Variants in ICAM5 observed in about 807,000 individuals in gnomAD.
ICAM5 encodes the protein intercellular adhesion molecule 5.
In ICAM5, 38 loss-of-function variants were observed where a neutral mutation model predicts 78.8. That is an observed-to-expected ratio of 0.48 (90% CI 0.37 to 0.63). The LOEUF (loss-of-function observed/expected upper bound fraction) is 0.63. ICAM5 is among the 30% of genes least tolerant of loss of function. ICAM5 has a pLI of 0.00. For missense variants in ICAM5, 1,059 were observed against 1,303.0 expected (o/e 0.81, Z 2.88); for synonymous variants, 544 against 590.9 (o/e 0.92, Z 1.15).
At position 10,291,485 on chromosome 19, in the gene ICAM5, G is replaced by A; in HGVS notation, c.353-4G>A. 1 of 1,612,210 alleles carries A rather than the reference G, an allele frequency of 6.2e-7. No homozygotes were observed. Among genetic ancestry groups the A allele is most frequent in the Non-Finnish European group, 8.5e-7 (1 of 1,179,784 alleles). On this transcript the variant is annotated splice_polypyrimidine_tract_variant and splice_region_variant and intron_variant, in intron 2 of 10. Coordinates refer to ENST00000221980, the MANE Select transcript of ICAM5 (RefSeq NM_003259.4). ...AAAGAGCTGCGGACTCTTCCCCCTT[G>A]CAGAGCGACCAGATCGCGTAGAGCT...
At position 10,292,672 on chromosome 19, in the gene ICAM5, C is replaced by G. The variant is rs1361795850; in HGVS notation, c.1022C>G (p.Thr341Arg). ...EPSVSEGQMV[T>R]VTCAAGAQAL... is the part of the protein sequence containing the mutation. ...AGCGTCTCCGAGGGGCAGATGGTGA[C>G]AGTAACCTGCGCAGCTGGGGCCCAA... is the stretch of plus-strand genomic sequence containing the variant. Residue 341 changes from threonine to arginine, a missense_variant, in exon 5 of 11, where the codon ACA becomes AGA. Transcript: ENST00000221980. 3 of 1,608,776 alleles carry G rather than the reference C, an allele frequency of 1.9e-6. No individual in the cohort carries two copies. The highest frequency in any genetic ancestry group is 2.5e-6 in the Non-Finnish European group (3 of 1,177,928).
Position 10,295,469 on chromosome 19 carries a change from CG to C in ICAM5, c.2359del (p.Ala787ProfsTer13). On this transcript the variant is annotated frameshift_variant, in exon 10 of 11. Coordinates refer to ENST00000221980, the MANE Select transcript of ICAM5 (RefSeq NM_003259.4). LOFTEE classifies it high-confidence loss of function. ...GCCCAGATCAGCTGGCGCGCGCCCCCGGGGGCCCTCAACATCGGCCTGTCGA... is the reference window on the plus strand; with the variant it reads ...GCCCAGATCAGCTGGCGCGCGCCCCCGGGGCCCTCAACATCGGCCTGTCGA... ...PPAQISWRAP[P>X]GALNIGLSSN... 1.3e-6 allele frequency: 2 copies of C among 1,588,420 alleles called. No homozygotes were observed. Among genetic ancestry groups the C allele is most frequent in the South Asian group, 1.1e-5 (1 of 88,054 alleles).
Position 10,290,889 on chromosome 19 carries a change from T to TTTAG in ICAM5, c.83-182_83-179dup. The stretch of plus-strand genomic sequence containing the variant: ...CCACGTCCCAGAGACACCCTCGAGG[T>TTTAG]TTAGACTCTGGGAGTGCGCCTTTAA... On this transcript the variant is annotated intron_variant, in intron 1 of 10. Transcript: ENST00000221980. The surrounding 1 kb of genome is among the most constrained non-coding windows in gnomAD (Gnocchi z 5.7). 1 of 719,630 alleles carries TTTAG rather than the reference T, an allele frequency of 1.4e-6. No homozygotes were observed. The highest frequency in any genetic ancestry group is 1.9e-5 in the South Asian group (1 of 52,440). The allele number at this position is 719,630 out of a possible 1,614,324, so 44.6% of individuals were successfully genotyped here.
At position 10,296,430 on chromosome 19, in the gene ICAM5, C is replaced by T; in HGVS notation, c.2589C>T (p.Thr863=). 1.5e-6 allele frequency: 2 copies of T among 1,324,676 alleles called. No homozygotes were observed. Among genetic ancestry groups the T allele is most frequent in the South Asian group, 2.0e-5 (1 of 49,236 alleles). 82.1% of individuals were successfully genotyped at this position (1,324,676 alleles called of 1,614,324 possible). A position where few individuals can be genotyped will look rare whatever the true frequency, so the allele number is the denominator to read the frequency against. Residue 863 remains threonine, a synonymous_variant, in exon 11 of 11, where the codon ACC becomes ACT. Coordinates refer to ENST00000221980, the MANE Select transcript of ICAM5 (RefSeq NM_003259.4). ...GCCTGGCCTTCTACGTGCAGTCCAC[C>T]GCCTGCAAGAAGGGCGAGTACAACG... ...GAGLAFYVQS[T]ACKKGEYNVQ... is the part of the protein sequence containing the mutation.
In ICAM5 at chr19:10,291,251, G is replaced by C. The variant is rs2040169292; in HGVS notation, c.262G>C (p.Val88Leu). The C allele has an allele frequency of 6.2e-7, 1 of 1,612,446 alleles. No individual in the cohort carries two copies. Among genetic ancestry groups the C allele is most frequent in the East Asian group, 2.2e-5 (1 of 44,874 alleles). Reference protein sequence around the residue: ...RGLRWLARQLVDIREPETQPV... With the variant: ...RGLRWLARQLLDIREPETQPV... ...TTTGCGTTGGTTGGCGCGGCAGCTG[G>C]TGGACATTCGCGAGCCGGAGACTCA... is the stretch of plus-strand genomic sequence containing the variant. Residue 88 changes from valine (V) to leucine (L), a missense_variant, in exon 2 of 11, where the codon GTG (valine) becomes CTG (leucine). Val to Leu is a conservative substitution (Grantham distance 32). Coordinates refer to ENST00000221980, the MANE Select transcript of ICAM5 (RefSeq NM_003259.4).
chr19:10,295,427 C>T lies in ICAM5; in HGVS notation c.2312C>T (p.Ala771Val), dbSNP rs2040212206. ...PGGNFTLTCR[A>V]EAWPPAQISW... The stretch of plus-strand genomic sequence containing the variant: ...GGAAACTTCACGTTGACCTGCCGCG[C>T]GGAGGCCTGGCCTCCAGCCCAGATC... Residue 771 changes from alanine to valine, a missense_variant, in exon 10 of 11, where the codon GCG becomes GTG. Ala to Val is a moderately conservative substitution (Grantham distance 64, BLOSUM62 0). Coordinates refer to ENST00000221980, the MANE Select transcript of ICAM5 (RefSeq NM_003259.4). The T allele has an allele frequency of 6.2e-7, 1 of 1,607,588 alleles. No homozygotes were observed. Among genetic ancestry groups the T allele is most frequent in the East Asian group, 2.2e-5 (1 of 44,770 alleles).
rs748674899 is a variant in ICAM5, at chr19:10,292,607, C to T, written c.962-5C>T. The T allele has an allele frequency of 6.4e-7, 1 of 1,555,604 alleles. No individual in the cohort carries two copies. Among genetic ancestry groups the T allele is most frequent in the Non-Finnish European group, 8.7e-7 (1 of 1,152,386 alleles). ...GTATACTACGACCAAATGCTCCGCC[C>T]CCAGGCTTCCCGGCACCACTCCTGA... On this transcript the variant is annotated splice_polypyrimidine_tract_variant and splice_region_variant and intron_variant, in intron 4 of 10. Transcript: ENST00000221980.
intron 9 of ICAM5, 109 bp from the exon 10 acceptor site, chr19:10,295,237 G>A (rs1046907759): frequency 3.3e-5 from 41 of 1,251,312 alleles, no homozygotes; most frequent in Non-Finnish European, 4.1e-5. Context: ...ATCCTCTTCT[G>A]CCCATCAGAG....
In ICAM5 at chr19:10,292,340, G is replaced by A. The variant is rs1326134057; in HGVS notation, c.961+18G>A. 10 of 1,568,632 alleles carry A rather than the reference G, an allele frequency of 6.4e-6. No individual in the cohort carries two copies. The highest frequency in any genetic ancestry group is 2.7e-5 in the African/African-American group (2 of 73,744). On this transcript the variant is annotated intron_variant, in intron 4 of 10. Transcript: ENST00000221980. Reference sequence around the variant, plus strand: ...CATCTACAGTAAGGAAGGAGGCGGGGTCTCCGCGGCTCCGAGGTGGGACCA... The same window carrying A: ...CATCTACAGTAAGGAAGGAGGCGGGATCTCCGCGGCTCCGAGGTGGGACCA...
Position 10,293,829 on chromosome 19 carries a change from G to C in ICAM5, c.1597G>C (p.Gly533Arg), listed in dbSNP as rs201577589. The change falls in exon 7 of 11, where the codon GGG becomes CGG. Residue 533 changes from glycine (G) to arginine (R), a missense_variant. By Grantham distance (125) the Gly-to-Arg change is moderately radical (BLOSUM62 -2). This residue lies in a region of ICAM5 where 815 missense variants were observed against 952.8 expected (regional missense o/e 0.86). Coordinates refer to ENST00000221980, the MANE Select transcript of ICAM5 (RefSeq NM_003259.4). This position sits in a 1 kb window ranked among gnomAD's most constrained non-coding sequence, Gnocchi z 5.0. ...DVICVRSGEL[G>R]AVIEGLLRVA... is the part of the protein sequence containing the mutation. ...GATCTGCGTGCGCTCTGGAGAACTC[G>C]GGGCCGTCATCGAGGGGCTGTTGCG... is the stretch of plus-strand genomic sequence containing the variant. 6.2e-7 allele frequency: 1 copy of C among 1,613,132 alleles called. No individual in the cohort carries two copies. Among genetic ancestry groups the C allele is most frequent in the South Asian group, 1.1e-5 (1 of 91,090 alleles).
At position 10,293,786 on chromosome 19, in the gene ICAM5, G is replaced by GT; in HGVS notation, c.1554_1555insT (p.Val519CysfsTer5). ...CCTCGCTGAGCTGTGTGGCGCACGG[G>GT]GTACCGCCGCCTGATGTGATCTGCG... On this transcript the variant is annotated frameshift_variant, in exon 7 of 11. Coordinates refer to ENST00000221980, the MANE Select transcript of ICAM5 (RefSeq NM_003259.4). LOFTEE classifies it high-confidence loss of function. The surrounding 1 kb of genome is among the most constrained non-coding windows in gnomAD (Gnocchi z 5.0). The GT allele has an allele frequency of 6.2e-7, 1 of 1,613,834 alleles. No homozygotes were observed. Among genetic ancestry groups the GT allele is most frequent in the Non-Finnish European group, 8.5e-7 (1 of 1,180,028 alleles).
Position 10,290,926 on chromosome 19 carries a change from G to A in ICAM5, c.83-146G>A, listed in dbSNP as rs1217327719. 4.7e-6 allele frequency: 5 copies of A among 1,065,404 alleles called. No homozygotes were observed. The highest frequency in any genetic ancestry group is 6.6e-6 in the Non-Finnish European group (5 of 754,938). The allele number at this position is 1,065,404 out of a possible 1,614,324, so 66.0% of individuals were successfully genotyped here. ...GAGTGCGCCTTTAAACCGGAGGCCTGGGCAGGACGCGGGACGCCTGGGTTC... is the reference window on the plus strand; with the variant it reads ...GAGTGCGCCTTTAAACCGGAGGCCTAGGCAGGACGCGGGACGCCTGGGTTC... On this transcript the variant is annotated intron_variant, in intron 1 of 10. Transcript: ENST00000221980. This position sits in a 1 kb window ranked among gnomAD's most constrained non-coding sequence, Gnocchi z 5.7.
In ICAM5 at chr19:10,296,328, C is replaced by A; in HGVS notation, c.2498-11C>A. The A allele has an allele frequency of 8.1e-7, 1 of 1,232,734 alleles. No individual in the cohort carries two copies. Among genetic ancestry groups the A allele is most frequent in the Non-Finnish European group, 1.0e-6 (1 of 980,728 alleles). 76.4% of individuals were successfully genotyped at this position (1,232,734 alleles called of 1,614,324 possible). A position where few individuals can be genotyped will look rare whatever the true frequency, so the allele number is the denominator to read the frequency against. ...GCTTGGCCACCCTCCGCGAGGGTCT[C>A]CACCCCGCAGGTCCGTGGCTATGGG... On this transcript the variant is annotated splice_polypyrimidine_tract_variant and intron_variant, in intron 10 of 10. Transcript: ENST00000221980.
intron 10 of ICAM5, 46 bp from the exon 11 acceptor site, chr19:10,296,293 G>GC: frequency 1.6e-6 from 2 of 1,223,786 alleles, no homozygotes; most frequent in Non-Finnish European, 2.0e-6. Context: ...GGTGGGAGAA[G>GC]CCCCCCGGAG....
In ICAM5 at chr19:10,293,664, A is replaced by G; in HGVS notation, c.1466-34A>G. The G allele has an allele frequency of 1.2e-6, 2 of 1,601,662 alleles. No homozygotes were observed. The highest frequency in any genetic ancestry group is 2.2e-5 in the East Asian group (1 of 44,572). Reference sequence around the variant, plus strand: ...TCTAGGGACGTCAGATTTGCCCCCAAACCCCAAAGCCAACAATACACTCCC... The same window carrying G: ...TCTAGGGACGTCAGATTTGCCCCCAGACCCCAAAGCCAACAATACACTCCC... On this transcript the variant is annotated intron_variant, in intron 6 of 10. Coordinates refer to ENST00000221980, the MANE Select transcript of ICAM5 (RefSeq NM_003259.4). This position sits in a 1 kb window ranked among gnomAD's most constrained non-coding sequence, Gnocchi z 5.0.
In ICAM5 at chr19:10,290,061, A is replaced by G. The variant is rs1473405734; in HGVS notation, c.18A>G (p.Pro6=). Residue 6 remains proline, a synonymous_variant, in exon 1 of 11, where the codon CCA becomes CCG. Coordinates refer to ENST00000221980, the MANE Select transcript of ICAM5 (RefSeq NM_003259.4). The surrounding 1 kb of genome is among the most constrained non-coding windows in gnomAD (Gnocchi z 5.7). ...CCGCGGCGATGCCAGGGCCTTCGCC[A>G]GGGCTGCGCCGGGCGCTACTCGGCC... The part of the protein sequence containing the change: MPGPS[P]GLRRALLGLW... 1.9e-6 allele frequency: 3 copies of G among 1,542,084 alleles called. No individual in the cohort carries two copies. In the South Asian group the frequency reaches 3.6e-5, roughly 18 times the overall value.
chr19:10,295,659 C>T (rs974071844), intron 10 of ICAM5, 47 bp downstream of exon 10: 107 of 1,507,070 alleles, frequency 7.1e-5, no homozygotes, highest in Non-Finnish European at 9.1e-5. Context: ...TGAGAGGGGG[C>T]GTGACCTGGG....
chr19:10,292,571 G>A (rs2040183040), intron 4 of ICAM5, 41 bp from the exon 5 acceptor site: 1 of 1,520,658 alleles, frequency 6.6e-7, no homozygotes, highest in Non-Finnish European at 8.8e-7. Context: ...CCGGAGGGAG[G>A]GGTATGGTCA....
intron 10 of ICAM5, among the ~76,000 whole-genome samples, chr19:10,295,979 A>C (rs528508231): frequency 5.8e-4 from 88 of 152,118 alleles, no homozygotes; most frequent in African/African-American, 2.1e-3. Context: ...AGAGGGGTCA[A>C]GATCGCCTTC....
Sources: allele counts gnomAD v4.1 joint callset (sites outside exome capture counted in the v4.1 genomes callset), GRCh38; gene constraint gnomAD v4.1.1; regional missense constraint gnomAD v4.1.1; non-coding constraint Gnocchi (gnomAD v3.1); transcripts MANE v1.5; gene names NCBI Gene and HGNC (gene_info 2026-07-23, HGNC 2026-07-21).